Variants in CELF2 observed in about 807,000 individuals in gnomAD.
CELF2 encodes CUGBP Elav-like family member 2.
In CELF2, 8 loss-of-function variants were observed where a neutral mutation model predicts 62.6. The ratio of observed to expected loss-of-function variants is 0.13; its 90% confidence interval spans 0.07 to 0.23. CELF2 has a LOEUF of 0.23. Ranked by LOEUF, CELF2 falls within the 10% of genes least tolerant of loss-of-function variation. CELF2 has a pLI of 1.00. For synonymous variants in CELF2, 258 were observed against 250.0 expected, an observed-to-expected ratio of 1.03 and a Z score of -0.30; for missense variants, 333 against 671.0, an observed-to-expected ratio of 0.50 and a Z score of 5.56.
At chr10:11,327,550 C>T (rs762260435) in intron 12 of CELF2, among the ~76,000 whole-genome samples, 37 of 152,302 alleles carry the variant, frequency 2.4e-4, no homozygotes, top group Non-Finnish European at 5.3e-4. Flanking sequence ...GGTAGTGCCC[C>T]GTTCCTTCCT....
At chr10:10,848,873 C>T (rs1011087207) in intron 1 of CELF2, among the ~76,000 whole-genome samples, 12 of 152,022 alleles carry the variant, frequency 7.9e-5, no homozygotes, top group African/African-American at 2.7e-4. Flanking sequence ...GGATTTGAGT[C>T]CCATGTCGAA....
intron 2 of CELF2, among the ~76,000 whole-genome samples, chr10:10,923,649 A>C (rs2134812104): frequency 6.6e-6 from 1 of 152,354 alleles, no homozygotes; most frequent in African/African-American, 2.4e-5. Flanking sequence ...GGTAGTAATA[A>C]GTCACCAGAA....
intron 9 of CELF2, among the ~76,000 whole-genome samples, chr10:11,313,194 G>T (rs72775884): frequency 2.6e-5 from 4 of 152,032 alleles, no homozygotes; most frequent in South Asian, 4.1e-4. Context: ...AAACAAAAAG[G>T]TTGCCCCAAA....
chr10:11,058,921 C>G (rs1296183317), intron 1 of CELF2, among the ~76,000 whole-genome samples: 2 of 152,126 alleles, frequency 1.3e-5, no homozygotes, highest in African/African-American at 4.8e-5. Context: ...GATGGGATAA[C>G]AAGCATTTAT....
At chr10:11,194,049 T>C (rs1337088896) in intron 2 of CELF2, among the ~76,000 whole-genome samples, 3 of 152,124 alleles carry the variant, frequency 2.0e-5, no homozygotes, top group Non-Finnish European at 1.5e-5. Context: ...ACAGTATTTT[T>C]ACTTTTTAAA....
chr10:10,743,924 T>C, the CELF2 span, among the ~76,000 whole-genome samples: 1 of 152,242 alleles, frequency 6.6e-6, no homozygotes, highest in Non-Finnish European at 1.5e-5. Flanking sequence ...GCAGCAGCCA[T>C]GCTCATCTTT....
At chr10:11,209,654 A>C (rs2061317458) in intron 2 of CELF2, among the ~76,000 whole-genome samples, 1 of 150,572 alleles carries the variant, frequency 6.6e-6, no homozygotes, top group Non-Finnish European at 1.5e-5. Context: ...TTAACCTTTA[A>C]CTGCCTTGTA....
chr10:11,118,922 C>T (rs2143936495), intron 1 of CELF2, among the ~76,000 whole-genome samples: 1 of 152,312 alleles, frequency 6.6e-6, no homozygotes, highest in South Asian at 2.1e-4. Context: ...GTGTCACTCT[C>T]TGTGAAATGA....
chr10:10,474,270 C>T, the CELF2 span, among the ~76,000 whole-genome samples: 1 of 151,878 alleles, frequency 6.6e-6, no homozygotes. Context: ...TAGTGAGATC[C>T]CATTCTCCAC....
At chr10:10,703,324 C>T in the CELF2 span, among the ~76,000 whole-genome samples, 6 of 152,098 alleles carry the variant, frequency 3.9e-5, no homozygotes, top group Non-Finnish European at 5.9e-5. Flanking sequence ...TCAGCTAGTC[C>T]GTGTTCACTT....
chr10:10,472,257 GCT>G, the CELF2 span, among the ~76,000 whole-genome samples: 1 of 151,556 alleles, frequency 6.6e-6, no homozygotes, highest in African/African-American at 2.4e-5. Context: ...AGCCTCTCAG[GCT>G]CTGTTATTTT....
rs141524467 is a variant in CELF2, at chr10:11,134,571, G to A, written c.75-30915G>A. On this transcript the variant is annotated intron_variant, in intron 1 of 12. Coordinates refer to ENST00000633077, the MANE Select transcript of CELF2 (RefSeq NM_001326342.2). Reference sequence around the variant, plus strand: ...GTGCCCATAGGTGACTCTGTCTTCCGTACCAGGGCTGTTCTGTGGAGCCAC... The same window carrying A: ...GTGCCCATAGGTGACTCTGTCTTCCATACCAGGGCTGTTCTGTGGAGCCAC... 4.4e-3 allele frequency among the ~76,000 whole-genome samples: 671 copies of A among 152,292 alleles called. 5 individuals carry two copies. The highest frequency in any genetic ancestry group is 0.015 in the African/African-American group (618 of 41,552).
rs750055268 is a variant in CELF2 at position 11,329,701 on chromosome 10, T to C, written c.*648T>C. Reference sequence around the variant, plus strand: ...ATATTACACTGGTTGTCTATTTTGTTATTGTTTTATTTTAGTTTTTAGAAA... The same window carrying C: ...ATATTACACTGGTTGTCTATTTTGTCATTGTTTTATTTTAGTTTTTAGAAA... On this transcript the variant is annotated 3_prime_UTR_variant, in exon 13 of 13. Transcript: ENST00000633077. This position sits in a 1 kb window ranked among gnomAD's most constrained non-coding sequence, Gnocchi z 5.5. 6.6e-6 allele frequency: 1 copy of C among 152,538 alleles called. No homozygotes were observed. Among genetic ancestry groups the C allele is most frequent in the Non-Finnish European group, 1.5e-5 (1 of 68,044 alleles). 9.4% of individuals were successfully genotyped at this position (152,538 alleles called of 1,614,324 possible). A position where few individuals can be genotyped will look rare whatever the true frequency, so the allele number is the denominator to read the frequency against.
At chr10:10,613,822 G>C in the CELF2 span, among the ~76,000 whole-genome samples, 1 of 152,140 alleles carries the variant, frequency 6.6e-6, no homozygotes, top group African/African-American at 2.4e-5. Context: ...GATAATCACA[G>C]TGCAAAATAG....
At chr10:11,257,375 C>T (rs908444139) in intron 4 of CELF2, among the ~76,000 whole-genome samples, 18 of 146,512 alleles carry the variant, frequency 1.2e-4, no homozygotes, top group African/African-American at 4.2e-4. Flanking sequence ...AATCTGTATC[C>T]AAAAATATCC....
the CELF2 span, among the ~76,000 whole-genome samples, chr10:10,603,110 T>C: frequency 6.6e-6 from 1 of 152,282 alleles, no homozygotes; most frequent in South Asian, 2.1e-4. Flanking sequence ...CCATAAATCT[T>C]CAATTTCATT....
chr10:10,482,945 C>T, the CELF2 span, among the ~76,000 whole-genome samples: 2 of 152,186 alleles, frequency 1.3e-5, no homozygotes, highest in Non-Finnish European at 2.9e-5. Flanking sequence ...TGCTCAGCTG[C>T]TTCACCTGCC....
intron 1 of CELF2, among the ~76,000 whole-genome samples, chr10:10,890,148 A>G (rs895512627): frequency 3.3e-5 from 5 of 152,222 alleles, no homozygotes; most frequent in African/African-American, 1.2e-4. Flanking sequence ...GTTCAAAATA[A>G]CAGTAAAATG....
At chr10:10,602,776 G>A in the CELF2 span, among the ~76,000 whole-genome samples, 1 of 152,032 alleles carries the variant, frequency 6.6e-6, no homozygotes, top group Non-Finnish European at 1.5e-5. Flanking sequence ...TTTTAGAAAT[G>A]CATGTATGCT....
Sources: allele counts gnomAD v4.1 joint callset (sites outside exome capture counted in the v4.1 genomes callset), GRCh38; gene constraint gnomAD v4.1.1; non-coding constraint Gnocchi (gnomAD v3.1); transcripts MANE v1.5; gene names NCBI Gene and HGNC (gene_info 2026-07-23, HGNC 2026-07-21).